Variants in GRIK3 observed in about 807,000 individuals in gnomAD.
The protein encoded by GRIK3 is glutamate receptor ionotropic, kainate 3.
Under a neutral mutation model 102.5 loss-of-function variants are expected in GRIK3, and 29 were observed. The ratio of observed to expected loss-of-function variants is 0.28; its 90% CI spans 0.21 to 0.39. The LOEUF is 0.39. GRIK3 is among the 10% of genes least tolerant of loss of function. The probability of loss-of-function intolerance (pLI) is 1.00; values close to 1 mark genes in which losing one functional copy is unlikely to be tolerated. For missense variants in GRIK3, 908 were observed against 1,252.4 expected (o/e 0.73, Z 4.15); for synonymous variants, 511 against 504.9 (o/e 1.01, Z -0.16).
At chr1:36,855,889 C>T (rs761489171) in intron 7 of GRIK3, among the ~76,000 whole-genome samples, 8 of 152,230 alleles carry the variant, frequency 5.3e-5, no homozygotes, top group Non-Finnish European at 1.2e-4. Context: ...CAGCATTGCC[C>T]CCATTTTGCA....
At position 36,814,161 on chromosome 1, in the gene GRIK3, G is replaced by T. The variant is rs928935941; in HGVS notation, c.2091+2899C>A. Among the ~76,000 whole-genome samples the T allele has an allele frequency of 1.4e-4, 21 of 152,324 alleles. No homozygotes were observed. The East Asian group carries it at 4.1e-3, about 29-fold the overall frequency. ...GAGGTGCTGCTTGATGGTGAGGGCA[G>T]CAGCTCGGTGGGGAGCTGGGGCTAG... On this transcript the variant is annotated intron_variant, in intron 13 of 15. Transcript: ENST00000373091.
intron 10 of GRIK3, among the ~76,000 whole-genome samples, chr1:36,836,490 C>T (rs767348297): frequency 6.6e-6 from 1 of 152,256 alleles, no homozygotes; most frequent in African/African-American, 2.4e-5. Flanking sequence ...AAGAGTCACA[C>T]AGGGAAATTG....
At chr1:36,865,993 C>A (rs1423480286) in intron 5 of GRIK3, among the ~76,000 whole-genome samples, 2 of 152,208 alleles carry the variant, frequency 1.3e-5, no homozygotes. Context: ...AATCCTTCTG[C>A]CTCAGTTTGC....
intron 1 of GRIK3, among the ~76,000 whole-genome samples, chr1:36,997,504 G>A (rs1642433104): frequency 6.6e-6 from 1 of 152,222 alleles, no homozygotes; most frequent in African/African-American, 2.4e-5. Context: ...TATACTCCAT[G>A]GCACTGGGCA....
At chr1:37,018,202 G>A (rs966174039) in intron 1 of GRIK3, among the ~76,000 whole-genome samples, 12 of 152,246 alleles carry the variant, frequency 7.9e-5, no homozygotes, top group South Asian at 2.1e-4. Flanking sequence ...AAAACTCATC[G>A]TCTCAGTGAT....
At chr1:36,958,202 T>G (rs1412797211) in intron 1 of GRIK3, among the ~76,000 whole-genome samples, 1 of 79,842 alleles carries the variant, frequency 1.3e-5, no homozygotes, top group Non-Finnish European at 2.4e-5. Context: ...CTGTGTGCCC[T>G]GTGAGTCTGT....
intron 13 of GRIK3, among the ~76,000 whole-genome samples, chr1:36,816,827 G>C (rs1240677134): frequency 2.0e-5 from 3 of 152,144 alleles, no homozygotes; most frequent in Non-Finnish European, 4.4e-5. Context: ...CATTCACATT[G>C]CTCATCTCAG....
chr1:37,012,525 C>T (rs891948706), intron 1 of GRIK3, among the ~76,000 whole-genome samples: 1 of 152,190 alleles, frequency 6.6e-6, no homozygotes, highest in East Asian at 1.9e-4. Flanking sequence ...TGTTAAGAAA[C>T]GTGCTGGCCC....
At chr1:36,953,258 C>T (rs376569997) in intron 1 of GRIK3, among the ~76,000 whole-genome samples, 1 of 152,116 alleles carries the variant, frequency 6.6e-6, no homozygotes, top group Non-Finnish European at 1.5e-5. Context: ...AAGTGCGGAG[C>T]GTTCCCAGCT....
intron 9 of GRIK3, among the ~76,000 whole-genome samples, chr1:36,849,276 A>C (rs1314266087): frequency 6.6e-6 from 1 of 152,228 alleles, no homozygotes; most frequent in Non-Finnish European, 1.5e-5. Context: ...CTCTGAGGGC[A>C]CATGGGTGAG....
intron 1 of GRIK3, among the ~76,000 whole-genome samples, chr1:37,029,000 G>T (rs534438916): frequency 6.6e-6 from 1 of 152,334 alleles, no homozygotes; most frequent in African/African-American, 2.4e-5. Context: ...CCATCATATG[G>T]CTGTTGTCAT....
chr1:36,925,040 A>G (rs1423481357), intron 1 of GRIK3, among the ~76,000 whole-genome samples: 3 of 152,218 alleles, frequency 2.0e-5, no homozygotes, highest in Non-Finnish European at 4.4e-5. Context: ...ACAACCCAAA[A>G]TGGTAGACAG....
chr1:36,988,402 C>T (rs1642328710), intron 1 of GRIK3, among the ~76,000 whole-genome samples: 1 of 152,258 alleles, frequency 6.6e-6, no homozygotes, highest in South Asian at 2.1e-4. Context: ...AGCACTTGCC[C>T]TCCCATCTCT....
chr1:36,909,735 A>C (rs1641325357), intron 1 of GRIK3, among the ~76,000 whole-genome samples: 1 of 152,166 alleles, frequency 6.6e-6, no homozygotes, highest in South Asian at 2.1e-4. Context: ...ACCACTGCTC[A>C]AATCTAACCC....
At chr1:36,835,155 G>A (rs1206037949) in intron 10 of GRIK3, among the ~76,000 whole-genome samples, 1 of 152,236 alleles carries the variant, frequency 6.6e-6, no homozygotes, top group Non-Finnish European at 1.5e-5. Context: ...CACAGTATCA[G>A]TTGGGTCTGG....
At chr1:36,809,155 A>T (rs1472770163) in intron 13 of GRIK3, among the ~76,000 whole-genome samples, 2 of 150,774 alleles carry the variant, frequency 1.3e-5, no homozygotes, top group Non-Finnish European at 3.0e-5. Context: ...CCATCAACCC[A>T]TCCATCCATC....
chr1:36,965,959 G>T (rs1250404787), intron 1 of GRIK3, among the ~76,000 whole-genome samples: 1 of 152,228 alleles, frequency 6.6e-6, no homozygotes, highest in Non-Finnish European at 1.5e-5. Flanking sequence ...GGGCGGAAAT[G>T]ATTAATCTGC....
At chr1:36,841,309 T>C (rs1204643238) in intron 10 of GRIK3, among the ~76,000 whole-genome samples, 1 of 152,214 alleles carries the variant, frequency 6.6e-6, no homozygotes, top group Non-Finnish European at 1.5e-5. Context: ...AGTTACTCAA[T>C]GCAGTGACGG....
intron 1 of GRIK3, among the ~76,000 whole-genome samples, chr1:37,009,040 T>C (rs1459349804): frequency 2.0e-5 from 3 of 151,790 alleles, no homozygotes; most frequent in Admixed American, 6.6e-5. Context: ...CTTACCCCTC[T>C]GAGCCTCAAT....
Sources: gnomAD v4.1 joint callset for allele counts (sites outside exome capture counted in the v4.1 genomes callset) on GRCh38, gnomAD v4.1.1 for gene constraint, MANE v1.5 for transcripts, NCBI Gene and HGNC (gene_info 2026-07-23, HGNC 2026-07-21) for gene names.